The following TMSB15B variants were observed in gnomAD, a reference collection of about 807,000 sequenced individuals.
TMSB15B encodes the protein thymosin beta-15B.
intron 1 of TMSB15B, among the ~76,000 whole-genome samples, chrX:103,954,375 C>A (rs782405116): frequency 2.7e-5 from 3 of 112,027 alleles, no homozygotes; most frequent in Non-Finnish European, 5.6e-5. Flanking sequence ...CTTGCGTGCT[C>A]TGGGGCCCAC....
chrX:103,928,521 C>T lies in TMSB15B; in HGVS notation c.-721+9229C>T, dbSNP rs186250003. 1.5e-4 allele frequency: 183 copies of T among 1,195,237 alleles called. No homozygotes were observed. The African/African-American group carries it at 2.5e-3, about 17-fold the overall frequency. On this transcript the variant is annotated intron_variant, in intron 1 of 3. Transcript: ENST00000419165. Reference sequence around the variant, plus strand: ...CCTTTGAAAGGGTGCAAAATGTGCTCCAGGATGGTTGCAAGCAAGCTCGCT... The same window carrying T: ...CCTTTGAAAGGGTGCAAAATGTGCTTCAGGATGGTTGCAAGCAAGCTCGCT...
At chrX:103,956,219 A>C (rs2075050978) in intron 1 of TMSB15B, among the ~76,000 whole-genome samples, 1 of 42,602 alleles carries the variant, frequency 2.3e-5, no homozygotes, top group Non-Finnish European at 4.2e-5. Flanking sequence ...CAGTGACACT[A>C]TAAAGCAATC....
At chrX:103,923,564 C>G (rs782088590) in intron 1 of TMSB15B, among the ~76,000 whole-genome samples, 1 of 111,603 alleles carries the variant, frequency 9.0e-6, no homozygotes, top group South Asian at 3.8e-4. Flanking sequence ...TGGTCTATAT[C>G]TCTGTTTTGG....
intron 1 of TMSB15B, among the ~76,000 whole-genome samples, chrX:103,951,217 C>T (rs1556328231): frequency 9.0e-6 from 1 of 111,546 alleles, no homozygotes. Context: ...TTATGAGGTA[C>T]TGGGTGTTAG....
chrX:103,974,389 GTA>G, the TMSB15B span, among the ~76,000 whole-genome samples: 370 of 13,456 alleles, frequency 0.027, 29 homozygotes, highest in Middle Eastern at 0.4. Flanking sequence ...ATATATATAT[GTA>G]TATATATATA....
intron 1 of TMSB15B, chrX:103,932,946 C>A (rs1556320185): frequency 3.6e-5 from 4 of 111,430 alleles, no homozygotes; most frequent in African/African-American, 1.3e-4. Flanking sequence ...AAAGCCATCA[C>A]AAAACACAAT....
intron 1 of TMSB15B, among the ~76,000 whole-genome samples, chrX:103,948,376 T>G (rs1170694399): frequency 9.0e-6 from 1 of 111,566 alleles, no homozygotes; most frequent in East Asian, 2.8e-4. Context: ...CTGTGGAAAC[T>G]TATTTGGCAG....
chrX:103,954,369 C>T (rs1239124408), intron 1 of TMSB15B, among the ~76,000 whole-genome samples: 20 of 112,051 alleles, frequency 1.8e-4, no homozygotes, highest in Non-Finnish European at 3.6e-4. Context: ...GGCAGTCTTG[C>T]GTGCTCTGGG....
intron 1 of TMSB15B, chrX:103,932,466 T>C (rs1399909498): frequency 8.9e-6 from 1 of 112,309 alleles, no homozygotes; most frequent in African/African-American, 3.2e-5. Context: ...TTTGTGTGTT[T>C]TCCCCTCAGA....
intron 1 of TMSB15B, among the ~76,000 whole-genome samples, chrX:103,933,883 T>C (rs1407052005): frequency 4.6e-5 from 5 of 109,473 alleles, no homozygotes; most frequent in Non-Finnish European, 9.5e-5. Context: ...ATAATAATTG[T>C]ATATGTTTCT....
At chrX:103,951,027 G>T (rs782784692) in intron 1 of TMSB15B, among the ~76,000 whole-genome samples, 24 of 111,705 alleles carry the variant, frequency 2.1e-4, no homozygotes, top group African/African-American at 7.2e-4. Flanking sequence ...CACAGGGCTG[G>T]TTTCTTCCGA....
chrX:103,928,482 T>C (rs1368695095), intron 1 of TMSB15B: 57 of 1,202,757 alleles, frequency 4.7e-5, no homozygotes, highest in South Asian at 8.8e-5. Flanking sequence ...TGGTGGAGGC[T>C]GTGGCACTCA....
chrX:103,925,382 A>G (rs781981745), intron 1 of TMSB15B, among the ~76,000 whole-genome samples: 1 of 112,633 alleles, frequency 8.9e-6, no homozygotes, highest in Admixed American at 9.4e-5. Context: ...TTGGATTTAT[A>G]CAATGGATTA....
chrX:103,945,552 A>G (rs2075023407), intron 1 of TMSB15B, among the ~76,000 whole-genome samples: 1 of 112,408 alleles, frequency 8.9e-6, no homozygotes, highest in African/African-American at 3.2e-5. Flanking sequence ...ATCCTTAATG[A>G]CCCAGAAGCC....
chrX:103,955,071 G>A (rs1403765939), intron 1 of TMSB15B, among the ~76,000 whole-genome samples: 1 of 111,322 alleles, frequency 9.0e-6, no homozygotes, highest in Non-Finnish European at 1.9e-5. Flanking sequence ...CAGAAACGAA[G>A]CCAGATGGAT....
At chrX:103,929,065 C>T in intron 1 of TMSB15B, 1 of 1,049,401 alleles carries the variant, frequency 9.5e-7, no homozygotes, top group Non-Finnish European at 1.3e-6. Context: ...TGAATCTTCC[C>T]TGGTTGGTTC....
chrX:103,945,254 CTG>C (rs2075022608), intron 1 of TMSB15B, among the ~76,000 whole-genome samples: 1 of 112,256 alleles, frequency 8.9e-6, no homozygotes, highest in Non-Finnish European at 1.9e-5. Context: ...ATACCTGAAA[CTG>C]GGCAATTTAC....
chrX:103,927,500 A>C (rs1556319020), intron 1 of TMSB15B, among the ~76,000 whole-genome samples: 1 of 111,410 alleles, frequency 9.0e-6, no homozygotes, highest in East Asian at 2.8e-4. Flanking sequence ...CACTTGCTGG[A>C]GGGGGACTGG....
chrX:103,925,624 T>C (rs1410166342), intron 1 of TMSB15B, among the ~76,000 whole-genome samples: 5 of 111,933 alleles, frequency 4.5e-5, no homozygotes, highest in East Asian at 2.8e-4. Flanking sequence ...CAAGATGTCA[T>C]TGAATTTCTA....
Sources: allele counts gnomAD v4.1 joint callset (sites outside exome capture counted in the v4.1 genomes callset), GRCh38; gene constraint gnomAD v4.1.1; transcripts MANE v1.5; gene names NCBI Gene and HGNC (gene_info 2026-07-23, HGNC 2026-07-21).